MEAK7: variants seen among roughly 807,000 people sequenced by gnomAD.
MEAK7 encodes the protein MTOR associated protein MEAK7, also known as MTOR-associated protein MEAK7.
Under a neutral mutation model 40.5 loss-of-function variants are expected in MEAK7, and 68 were observed. That is an observed-to-expected ratio of 1.68 (90% CI 1.38 to 2.06). The LOEUF (loss-of-function observed/expected upper bound fraction) is 2.06. MEAK7 is among the 30% of genes most tolerant of loss of function. MEAK7 has a pLI of 0.00. For missense variants in MEAK7, 918 were observed against 580.5 expected, an observed-to-expected ratio of 1.58 and a Z score of -5.98; for synonymous variants, 338 against 231.9, an observed-to-expected ratio of 1.46 and a Z score of -4.16.
At chr16:84,499,364 T>C (rs1404966081) in intron 1 of MEAK7, among the ~76,000 whole-genome samples, 1 of 152,114 alleles carries the variant, frequency 6.6e-6, no homozygotes, top group African/African-American at 2.4e-5. Flanking sequence ...GGCACCTTGA[T>C]AAACAAAGTC....
At chr16:84,480,295 G>A (rs1040037171) in intron 7 of MEAK7, among the ~76,000 whole-genome samples, 1 of 152,078 alleles carries the variant, frequency 6.6e-6, no homozygotes, top group African/African-American at 2.4e-5. Context: ...GGGCCACCTG[G>A]GCTCGCACTT....
rs778879614 is a variant in MEAK7 at position 84,482,735 on chromosome 16, A to C, written c.959-25T>G. 12 of 1,613,378 alleles carry C rather than the reference A, an allele frequency of 7.4e-6. No homozygotes were observed. In the South Asian group the frequency reaches 1.1e-4, roughly 15 times the overall value. On this transcript the variant is annotated intron_variant, in intron 5 of 7. Transcript: ENST00000343629. ...CCTGAAAGTAGCCAGAGAACAAAAC[A>C]AACAGGGTCGGTGTCTGAGCCGGTC...
At position 84,503,681 on chromosome 16, in the gene MEAK7, G is replaced by A. The variant is rs1045530279; in HGVS notation, c.-26+920C>T. On this transcript the variant is annotated intron_variant, in intron 1 of 7. Coordinates refer to ENST00000343629, the MANE Select transcript of MEAK7 (RefSeq NM_020947.4). Reference sequence around the variant, plus strand: ...TAATGGGCCCAAGACAACAGAGAATGGCTCCTTGGGATCTTGTCTTAGAAC... The same window carrying A: ...TAATGGGCCCAAGACAACAGAGAATAGCTCCTTGGGATCTTGTCTTAGAAC... Among the ~76,000 whole-genome samples, 21 of 152,254 alleles carry A rather than the reference G, an allele frequency of 1.4e-4. 1 individual carries two copies. The highest frequency in any genetic ancestry group is 1.0e-3 in the Admixed American group (16 of 15,296).
chr16:84,491,518 A>C (rs1913600974), intron 3 of MEAK7, among the ~76,000 whole-genome samples: 1 of 140,204 alleles, frequency 7.1e-6, no homozygotes, highest in South Asian at 2.5e-4. Flanking sequence ...CAGACTGGGC[A>C]ACGGAGCGAG....
At chr16:84,503,616 C>A (rs1444304580) in intron 1 of MEAK7, among the ~76,000 whole-genome samples, 1 of 151,982 alleles carries the variant, frequency 6.6e-6, no homozygotes, top group East Asian at 1.9e-4. Context: ...ATAAGGTAAC[C>A]CAGGGCATTT....
chr16:84,496,019 A>G, intron 2 of MEAK7, 106 bp from the exon 3 acceptor site: 10 of 1,274,432 alleles, frequency 7.8e-6, no homozygotes, highest in Non-Finnish European at 1.1e-5. Context: ...GTCCTTGGGA[A>G]GTTTTCGTTT....
chr16:84,484,453 A>C (rs1449086782), intron 5 of MEAK7, among the ~76,000 whole-genome samples: 1 of 152,224 alleles, frequency 6.6e-6, no homozygotes, highest in East Asian at 1.9e-4. Flanking sequence ...GCCCAGGGCT[A>C]GAGCTGGGAC....
chr16:84,493,920 C>A lies in MEAK7; in HGVS notation c.384+1763G>T, dbSNP rs541802286. On this transcript the variant is annotated intron_variant, in intron 3 of 7. Coordinates refer to ENST00000343629, the MANE Select transcript of MEAK7 (RefSeq NM_020947.4). ...AAAGGATGTCACTTTCTGACAGGCC[C>A]AAATACTCCAAGTTTTCTTGGGACC... is the stretch of plus-strand genomic sequence containing the variant. Among the ~76,000 whole-genome samples the A allele has an allele frequency of 1.2e-4, 18 of 152,240 alleles. No homozygotes were observed. In the South Asian group the frequency reaches 3.7e-3, roughly 32 times the overall value.
chr16:84,484,241 G>C (rs1912838518), intron 5 of MEAK7, among the ~76,000 whole-genome samples: 1 of 152,132 alleles, frequency 6.6e-6, no homozygotes, highest in Non-Finnish European at 1.5e-5. Flanking sequence ...CAGAATACAG[G>C]GCAAGGACCT....
chr16:84,482,077 A>C (rs1912604642), intron 6 of MEAK7, among the ~76,000 whole-genome samples: 3 of 151,290 alleles, frequency 2.0e-5, no homozygotes, highest in South Asian at 2.1e-4. Flanking sequence ...GTGCCCACCC[A>C]CTCCCTGCAC....
At position 84,497,994 on chromosome 16, in the gene MEAK7, C is replaced by T; in HGVS notation, c.93G>A (p.Leu31=). 1.2e-6 allele frequency: 2 copies of T among 1,614,174 alleles called. No individual in the cohort carries two copies. The highest frequency in any genetic ancestry group is 2.2e-5 in the South Asian group (2 of 91,084). The part of the protein sequence containing the change: ...QAEIDQLFDA[L]SSDKNSPNVS... ...CATTCGGGCTGTTTTTATCTGATGA[C>T]AGAGCATCAAACAATTGATCAATCT... Residue 31 remains leucine (L), a synonymous_variant, in exon 2 of 8, where the codon CTG becomes CTA. Coordinates refer to ENST00000343629, the MANE Select transcript of MEAK7 (RefSeq NM_020947.4).
intron 3 of MEAK7, chr16:84,494,687 C>T (rs2082037): frequency 0.32 from 115,830 of 361,400 alleles, 20,175 homozygotes; most frequent in Non-Finnish European, 0.38. Flanking sequence ...TTTTTCTTCA[C>T]GGGACATGAG....
intron 3 of MEAK7, among the ~76,000 whole-genome samples, chr16:84,494,116 A>G (rs892640595): frequency 5.3e-5 from 8 of 152,248 alleles, no homozygotes; most frequent in African/African-American, 1.9e-4. Flanking sequence ...TCTAGCAAAG[A>G]TAATTCAAAG....
intron 1 of MEAK7, 85 bp from the exon 2 acceptor site, chr16:84,498,196 A>G: frequency 1.4e-6 from 2 of 1,448,456 alleles, no homozygotes; most frequent in Non-Finnish European, 1.9e-6. Context: ...TGGTCAAGTT[A>G]ATATATACTG....
intron 3 of MEAK7, 53 bp downstream of exon 3, chr16:84,495,630 G>T: frequency 1.9e-6 from 3 of 1,570,878 alleles, no homozygotes; most frequent in East Asian, 4.5e-5. Flanking sequence ...TCCCCCCACC[G>T]ATGGTCACCA....
intron 6 of MEAK7, 144 bp from the exon 7 acceptor site, chr16:84,480,852 T>C: frequency 1.1e-6 from 1 of 909,828 alleles, no homozygotes; most frequent in Non-Finnish European, 1.6e-6. Flanking sequence ...TTGTTTTCCT[T>C]AACTGTGAAA....
chr16:84,490,905 C>T (rs1002827541), intron 3 of MEAK7, among the ~76,000 whole-genome samples: 12 of 152,076 alleles, frequency 7.9e-5, no homozygotes, highest in Admixed American at 2.0e-4. Context: ...GTGCCACACT[C>T]GTTTCTGAGA....
In MEAK7 at chr16:84,479,960, G is replaced by A. The variant is rs1567483836; in HGVS notation, c.1324C>T (p.His442Tyr). The A allele has an allele frequency of 4.3e-6, 7 of 1,609,930 alleles. No homozygotes were observed. The South Asian group carries it at 6.6e-5, about 15-fold the overall frequency. The change falls in exon 8 of 8, where the codon CAT becomes TAT. Residue 442 changes from histidine to tyrosine, a missense_variant. Coordinates refer to ENST00000343629, the MANE Select transcript of MEAK7 (RefSeq NM_020947.4). ...EAQALLEISG[H>Y]SRHSEGLREV... ...CGGAGCCCTTCGCTGTGGCGCGAAT[G>A]CCCACTGATCTCCAGCAGGGCCTGG...
At chr16:84,498,931 G>A (rs1011556060) in intron 1 of MEAK7, among the ~76,000 whole-genome samples, 3 of 151,536 alleles carry the variant, frequency 2.0e-5, no homozygotes, top group Non-Finnish European at 4.4e-5. Context: ...CTACTAAAAC[G>A]CTCTCTGCCT....
Sources: allele counts gnomAD v4.1 joint callset (sites outside exome capture counted in the v4.1 genomes callset), GRCh38; gene constraint gnomAD v4.1.1; transcripts MANE v1.5; gene names NCBI Gene and HGNC (gene_info 2026-07-23, HGNC 2026-07-21).